SPATA31H1: variants seen among roughly 807,000 people sequenced by gnomAD.
SPATA31H1 encodes SPATA31 subfamily H member 1.
the SPATA31H1 span, among the ~76,000 whole-genome samples, chr2:27,548,488 G>A: frequency 6.6e-6 from 1 of 150,856 alleles, no homozygotes. Context: ...TGCGCCTGTG[G>A]TCCCAGCTAC....
At chr2:27,568,345 G>A in the SPATA31H1 span, 10 of 398,950 alleles carry the variant, frequency 2.5e-5, no homozygotes, top group South Asian at 5.1e-4. Context: ...GAATCTGCGG[G>A]CATGACCTCA....
the SPATA31H1 span, among the ~76,000 whole-genome samples, chr2:27,558,815 C>G: frequency 1.8e-5 from 2 of 112,984 alleles, no homozygotes; most frequent in Non-Finnish European, 3.7e-5. Flanking sequence ...GCAGGAGAAT[C>G]AGGCAGGGAG....
the SPATA31H1 span, among the ~76,000 whole-genome samples, chr2:27,545,532 G>T: frequency 6.6e-6 from 1 of 151,124 alleles, no homozygotes; most frequent in African/African-American, 2.4e-5. Flanking sequence ...AATTCTAGTT[G>T]CTCCACCTTC....
At chr2:27,559,172 C>T in the SPATA31H1 span, among the ~76,000 whole-genome samples, 3 of 151,980 alleles carry the variant, frequency 2.0e-5, no homozygotes, top group East Asian at 5.8e-4. Context: ...TACTTTCCTC[C>T]AGAGAGTAGC....
chr2:27,582,372 C>G, the SPATA31H1 span: 1 of 1,614,116 alleles, frequency 6.2e-7, no homozygotes, highest in Non-Finnish European at 8.5e-7. Context: ...GAGGAGCCGA[C>G]GCAGTCCCCT....
chr2:27,570,123 T>C, the SPATA31H1 span: 1 of 398,902 alleles, frequency 2.5e-6, no homozygotes, highest in Non-Finnish European at 4.4e-6. Context: ...ATTTTCTGAT[T>C]TGATCCCAGA....
the SPATA31H1 span, chr2:27,577,942 G>A: frequency 6.2e-7 from 1 of 1,614,146 alleles, no homozygotes; most frequent in South Asian, 1.1e-5. The surrounding 1 kb of genome is among the most constrained non-coding windows in gnomAD (Gnocchi z 4.5). Context: ...AAGAATCAAA[G>A]TATGAAATCT....
At chr2:27,582,041 C>T in the SPATA31H1 span, 3 of 1,613,994 alleles carry the variant, frequency 1.9e-6, no homozygotes, top group Admixed American at 1.7e-5. Flanking sequence ...GGAGCCATCG[C>T]AGTCCCTCTG....
the SPATA31H1 span, among the ~76,000 whole-genome samples, chr2:27,563,878 A>T: frequency 4.0e-5 from 6 of 151,690 alleles, no homozygotes; most frequent in South Asian, 2.1e-4. Flanking sequence ...CTAATTTTTT[A>T]AAATTATTTT....
At chr2:27,565,734 G>A in the SPATA31H1 span, among the ~76,000 whole-genome samples, 4 of 152,102 alleles carry the variant, frequency 2.6e-5, no homozygotes, top group East Asian at 5.8e-4. Context: ...ACAGATACTG[G>A]ATAGACTCCT....
At chr2:27,549,577 G>C in the SPATA31H1 span, among the ~76,000 whole-genome samples, 1 of 151,696 alleles carries the variant, frequency 6.6e-6, no homozygotes, top group Admixed American at 6.6e-5. Context: ...GGGAGACTTA[G>C]TCAGGTGGGA....
At chr2:27,576,980 C>T in the SPATA31H1 span, 1 of 1,613,998 alleles carries the variant, frequency 6.2e-7, no homozygotes, top group Admixed American at 1.7e-5. Flanking sequence ...CAGAGATGAT[C>T]CCACAGCCAA....
the SPATA31H1 span, among the ~76,000 whole-genome samples, chr2:27,552,645 G>A: frequency 6.6e-6 from 1 of 151,918 alleles, no homozygotes; most frequent in Non-Finnish European, 1.5e-5. Flanking sequence ...TTTTGATAGG[G>A]ATTATACTGA....
At chr2:27,561,338 A>G in the SPATA31H1 span, among the ~76,000 whole-genome samples, 1 of 152,130 alleles carries the variant, frequency 6.6e-6, no homozygotes, top group East Asian at 1.9e-4. Context: ...AAAACAAAAA[A>G]CTAATTTGAG....
At chr2:27,579,246 A>G in the SPATA31H1 span, 2 of 1,614,226 alleles carry the variant, frequency 1.2e-6, no homozygotes, top group Non-Finnish European at 1.7e-6. Context: ...TCTCTCCACT[A>G]TGCTAATGCT....
the SPATA31H1 span, among the ~76,000 whole-genome samples, chr2:27,548,947 G>A: frequency 9.9e-5 from 15 of 151,402 alleles, no homozygotes; most frequent in African/African-American, 3.2e-4. Context: ...GGTGGCACGC[G>A]CCTGTAATCC....
the SPATA31H1 span, chr2:27,573,549 C>A: frequency 2.5e-6 from 1 of 398,474 alleles, no homozygotes; most frequent in East Asian, 3.6e-5. Context: ...AGGGCTCAAA[C>A]CTATTGCTTT....
the SPATA31H1 span, chr2:27,570,537 A>G: frequency 2.5e-6 from 1 of 398,924 alleles, no homozygotes; most frequent in Middle Eastern, 6.3e-4. Flanking sequence ...ATTTCCAGGA[A>G]CTCAAAGTAT....
chr2:27,573,670 T>C, the SPATA31H1 span: 1 of 398,448 alleles, frequency 2.5e-6, no homozygotes, highest in Non-Finnish European at 4.4e-6. Context: ...TCGCAAGATG[T>C]GAAATCTTCT....
Sources: gnomAD v4.1 joint callset for allele counts (sites outside exome capture counted in the v4.1 genomes callset) on GRCh38, gnomAD v4.1.1 for gene constraint, Gnocchi (gnomAD v3.1) non-coding constraint, MANE v1.5 for transcripts, NCBI Gene and HGNC (gene_info 2026-07-23, HGNC 2026-07-21) for gene names.